Variants in PCDH11X observed in about 807,000 individuals in gnomAD.
PCDH11X encodes protocadherin 11 X-linked.
A neutral mutation model predicts 53.3 loss-of-function variants in PCDH11X; 18 were observed. The observed-to-expected ratio is 0.34, with a 90% CI of 0.23 to 0.50. The LOEUF (loss-of-function observed/expected upper bound fraction) is 0.50, where lower values mean the gene tolerates loss of function less well. Among genes scored for constraint, PCDH11X ranks in the 20% least tolerant of loss-of-function variants. PCDH11X has a pLI of 0.98. For missense variants in PCDH11X, 570 were observed against 1,032.4 expected (o/e 0.55, Z 6.14); for synonymous variants, 279 against 393.3 (o/e 0.71, Z 3.44).
chrX:91,964,819 G>A (rs1161648117), intron 6 of PCDH11X, among the ~76,000 whole-genome samples: 1 of 111,278 alleles, frequency 9.0e-6, no homozygotes, highest in African/African-American at 3.3e-5. Context: ...AATGACTAGG[G>A]TACGGGCTTC....
intron 6 of PCDH11X, among the ~76,000 whole-genome samples, chrX:91,885,245 A>G (rs1940138292): frequency 9.1e-6 from 1 of 110,480 alleles, no homozygotes; most frequent in African/African-American, 3.3e-5. Flanking sequence ...TAAAATACAC[A>G]CTTGTACAAG....
chrX:92,276,085 A>G (rs2068083212), intron 8 of PCDH11X, among the ~76,000 whole-genome samples: 1 of 109,918 alleles, frequency 9.1e-6, no homozygotes, highest in Middle Eastern at 4.7e-3. Flanking sequence ...AAGAGTGCAT[A>G]AAAGAGTATT....
chrX:92,297,043 A>G (rs1331776549), intron 8 of PCDH11X, among the ~76,000 whole-genome samples: 5 of 77,912 alleles, frequency 6.4e-5, no homozygotes, highest in African/African-American at 2.4e-4. Flanking sequence ...GATTATGGAT[A>G]TTAGACCTTT....
intron 9 of PCDH11X, among the ~76,000 whole-genome samples, chrX:92,435,039 A>C (rs1434154627): frequency 9.0e-6 from 1 of 111,111 alleles, no homozygotes; most frequent in Non-Finnish European, 1.9e-5. Context: ...AGAATTGAGA[A>C]TATGGATAAG....
intron 10 of PCDH11X, among the ~76,000 whole-genome samples, chrX:92,498,023 T>C (rs1603348372): frequency 8.9e-6 from 1 of 112,139 alleles, no homozygotes; most frequent in Non-Finnish European, 1.9e-5. Context: ...ATGAACAGTT[T>C]ATTAACTTTT....
chrX:92,347,666 G>A (rs889172383), intron 8 of PCDH11X, among the ~76,000 whole-genome samples: 1 of 111,295 alleles, frequency 9.0e-6, no homozygotes, highest in Non-Finnish European at 1.9e-5. Context: ...GGATTCCTAG[G>A]TGTCATGGCA....
rs1424075170 is a variant in PCDH11X at position 91,926,103 on chromosome X, CACACACACACAT to C, written c.3033+46832_3033+46843del. On this transcript the variant is annotated intron_variant, in intron 6 of 10. Coordinates refer to ENST00000682573, the MANE Select transcript of PCDH11X (RefSeq NM_032968.5). Reference sequence around the variant, plus strand: ...ACACACACACACACACACACACACACACACACACACATATATATATAGAAGGAGATTTATTAT... The same window carrying C: ...ACACACACACACACACACACACACACATATATATAGAAGGAGATTTATTAT... 2.6e-3 allele frequency among the ~76,000 whole-genome samples: 272 copies of C among 103,444 alleles called. 1 individual carries two copies. The highest frequency in any genetic ancestry group is 9.8e-3 in the African/African-American group (264 of 26,903). 89.8% of individuals were successfully genotyped at this position (103,444 alleles called of 115,157 possible). A position where few individuals can be genotyped will look rare whatever the true frequency, so the allele number is the denominator to read the frequency against.
chrX:92,104,779 A>G (rs139810992), intron 6 of PCDH11X, among the ~76,000 whole-genome samples: 18,269 of 109,086 alleles, frequency 0.17, 1,338 homozygotes, highest in East Asian at 0.41. Flanking sequence ...GCAGAGAAAG[A>G]GTTGGGGCAC....
At chrX:92,343,094 C>T (rs773572242) in intron 8 of PCDH11X, among the ~76,000 whole-genome samples, 1 of 111,685 alleles carries the variant, frequency 9.0e-6, no homozygotes, top group South Asian at 3.8e-4. Flanking sequence ...GACTAAACAC[C>T]ATTATTTGAA....
intron 6 of PCDH11X, among the ~76,000 whole-genome samples, chrX:92,102,199 G>A (rs1262119606): frequency 1.8e-5 from 2 of 111,468 alleles, no homozygotes; most frequent in African/African-American, 3.3e-5. Flanking sequence ...AGGAGCCGGG[G>A]AGCAGAAAGT....
At chrX:91,944,852 C>G (rs960538696) in intron 6 of PCDH11X, among the ~76,000 whole-genome samples, 11 of 105,665 alleles carry the variant, frequency 1.0e-4, no homozygotes, top group Admixed American at 2.1e-4. Flanking sequence ...TAAAAAGGAA[C>G]AGCTTTCAAA....
chrX:91,899,294 G>C (rs748110568), intron 6 of PCDH11X, among the ~76,000 whole-genome samples: 2 of 110,973 alleles, frequency 1.8e-5, no homozygotes, highest in South Asian at 7.9e-4. Flanking sequence ...TCCAGCATGG[G>C]AGAGAGATGT....
At chrX:92,122,817 A>T (rs1432184670) in intron 6 of PCDH11X, among the ~76,000 whole-genome samples, 2 of 110,418 alleles carry the variant, frequency 1.8e-5, no homozygotes, top group South Asian at 7.8e-4. Flanking sequence ...GGCACCTGTA[A>T]TTCCAGCTAC....
chrX:92,215,281 G>T (rs1015300165), intron 7 of PCDH11X, among the ~76,000 whole-genome samples: 2 of 108,969 alleles, frequency 1.8e-5, no homozygotes, highest in East Asian at 5.9e-4. Flanking sequence ...AAGGGGTCAG[G>T]GAGTTCCCTT....
chrX:91,958,652 G>C (rs1239787705), intron 6 of PCDH11X, among the ~76,000 whole-genome samples: 1 of 109,999 alleles, frequency 9.1e-6, no homozygotes, highest in African/African-American at 3.4e-5. Flanking sequence ...TTTTTTTGTG[G>C]GTCGAGTTGT....
intron 9 of PCDH11X, among the ~76,000 whole-genome samples, chrX:92,465,882 T>G (rs1194166836): frequency 9.0e-6 from 1 of 110,913 alleles, no homozygotes; most frequent in Non-Finnish European, 1.9e-5. Flanking sequence ...ATTAAAATAT[T>G]TGCTAGTCAT....
chrX:92,214,739 G>A (rs1046861176), intron 7 of PCDH11X, among the ~76,000 whole-genome samples: 2 of 111,510 alleles, frequency 1.8e-5, no homozygotes, highest in Non-Finnish European at 3.8e-5. Context: ...TAGATAGTGA[G>A]ACTGGGCCTG....
chrX:92,574,082 A>G (rs1922528788), intron 10 of PCDH11X, among the ~76,000 whole-genome samples: 1 of 96,754 alleles, frequency 1.0e-5, no homozygotes, highest in Non-Finnish European at 2.1e-5. Flanking sequence ...AAATTATTTC[A>G]GTAACAATGT....
chrX:92,193,104 C>T (rs533230875), intron 6 of PCDH11X, among the ~76,000 whole-genome samples: 1 of 111,635 alleles, frequency 9.0e-6, no homozygotes, highest in African/African-American at 3.3e-5. Flanking sequence ...TAGGAATTAT[C>T]AATCCAGTCT....
Sources: gnomAD v4.1 joint callset for allele counts (sites outside exome capture counted in the v4.1 genomes callset) on GRCh38, gnomAD v4.1.1 for gene constraint, MANE v1.5 for transcripts, NCBI Gene and HGNC (gene_info 2026-07-23, HGNC 2026-07-21) for gene names.